N4BP2L2: variants seen among roughly 807,000 people sequenced by gnomAD.
The protein encoded by N4BP2L2 is NEDD4 binding protein 2 like 2.
A neutral mutation model predicts 56.2 loss-of-function variants in N4BP2L2; 50 were observed. The ratio of observed to expected loss-of-function variants is 0.89; its 90% CI spans 0.71 to 1.13. The LOEUF is 1.13. Ranked by LOEUF, N4BP2L2 falls within the 50% of genes most tolerant of loss-of-function variation. N4BP2L2 has a pLI of 0.00. For missense variants in N4BP2L2, 689 were observed against 693.8 expected (o/e 0.99, Z 0.08); for synonymous variants, 203 against 223.6 (o/e 0.91, Z 0.82).
chr13:32,509,829 A>G (rs970843798), downstream of N4BP2L2, among the ~76,000 whole-genome samples: 1 of 152,172 alleles, frequency 6.6e-6, no homozygotes, highest in Non-Finnish European at 1.5e-5. Flanking sequence ...TATTCTAAAC[A>G]AAAACTCCAA....
At chr13:32,502,147 T>C (rs1013506489) in intron 6 of N4BP2L2, among the ~76,000 whole-genome samples, 3 of 147,696 alleles carry the variant, frequency 2.0e-5, no homozygotes, top group African/African-American at 7.5e-5. Flanking sequence ...CACTGCAACC[T>C]CTGCCCTCCT....
chr13:32,501,300 A>G (rs1227413377), intron 6 of N4BP2L2, among the ~76,000 whole-genome samples: 2 of 152,208 alleles, frequency 1.3e-5, no homozygotes, highest in Non-Finnish European at 2.9e-5. Flanking sequence ...ATAGGCTGAT[A>G]TCACACTGTC....
rs60854435 is a variant in N4BP2L2 at position 32,481,118 on chromosome 13, CAAAAAAAAAAAA to C, written c.365+36727_365+36738del. Reference sequence around the variant, plus strand: ...TCAGCAACAGAGTGAGACTCTGTCTCAAAAAAAAAAAAAAAAAAAAAAAAAAAAAAGGATTGC... The same window carrying C: ...TCAGCAACAGAGTGAGACTCTGTCTCAAAAAAAAAAAAAAAAAAGGATTGC... On this transcript the variant is annotated intron_variant, in intron 6 of 9. Coordinates refer to the N4BP2L2 transcript ENST00000357505. Among the ~76,000 whole-genome samples, 17 of 20,716 alleles carry C rather than the reference CAAAAAAAAAAAA, an allele frequency of 8.2e-4. 1 individual carries two copies. The highest frequency in any genetic ancestry group is 4.4e-3 in the South Asian group (1 of 228). The allele number at this position is 20,716 out of a possible 152,430, so 13.6% of individuals were successfully genotyped here.
chr13:32,514,860 G>A (rs1292070126), exon 6 of N4BP2L2: 4 of 152,182 alleles, frequency 2.6e-5, no homozygotes, highest in African/African-American at 4.8e-5. Flanking sequence ...TAGGCCTGGT[G>A]TGGTGGCTCA....
At chr13:32,450,114 TATA>T (rs2077677535) in intron 6 of N4BP2L2, among the ~76,000 whole-genome samples, 1 of 152,158 alleles carries the variant, frequency 6.6e-6, no homozygotes, top group Admixed American at 6.5e-5. Flanking sequence ...CATGCTCACA[TATA>T]ATATCTATAG....
In N4BP2L2 at chr13:32,527,272, G is replaced by GA; in HGVS notation, c.1384+135dup. 3.5e-6 allele frequency: 3 copies of GA among 865,626 alleles called. No individual in the cohort carries two copies. In the East Asian group the frequency reaches 8.2e-5, roughly 24 times the overall value. The allele number at this position is 865,626 out of a possible 1,614,324, so 53.6% of individuals were successfully genotyped here. On this transcript the variant is annotated intron_variant, in intron 3 of 5. Coordinates refer to ENST00000267068, the Ensembl canonical transcript of N4BP2L2. The stretch of plus-strand genomic sequence containing the variant: ...ATTATCACCACCTCTAACAGATGGA[G>GA]AAATTAGGTCTCAAAGCTATTTAAA...
At chr13:32,453,725 C>A (rs2078493639) in intron 6 of N4BP2L2, among the ~76,000 whole-genome samples, 1 of 152,186 alleles carries the variant, frequency 6.6e-6, no homozygotes, top group Non-Finnish European at 1.5e-5. Context: ...AAGACAACAA[C>A]CTACTTTCTC....
At chr13:32,530,722 T>A (rs2054499731) in intron 2 of N4BP2L2, among the ~76,000 whole-genome samples, 1 of 152,008 alleles carries the variant, frequency 6.6e-6, no homozygotes, top group South Asian at 2.1e-4. Flanking sequence ...GTGGGAGAAC[T>A]AAGATAAAGC....
At chr13:32,486,923 C>T (rs1298318420) in intron 6 of N4BP2L2, among the ~76,000 whole-genome samples, 6 of 152,046 alleles carry the variant, frequency 3.9e-5, no homozygotes, top group African/African-American at 7.2e-5. Flanking sequence ...CATTTGAACT[C>T]GGAAGACGGA....
exon 6 of N4BP2L2, chr13:32,515,508 CTG>C (rs1218062663): frequency 2.0e-5 from 3 of 152,022 alleles, no homozygotes; most frequent in Non-Finnish European, 2.9e-5. Context: ...TATTTGGACT[CTG>C]TGATGCAACA....
chr13:32,528,864 T>A (rs1189022224), intron 2 of N4BP2L2, among the ~76,000 whole-genome samples: 1 of 152,184 alleles, frequency 6.6e-6, no homozygotes, highest in Admixed American at 6.5e-5. Context: ...TATAATGGTA[T>A]CATATACAGT....
At chr13:32,537,785 C>T (rs1420498379) in intron 1 of N4BP2L2, among the ~76,000 whole-genome samples, 2 of 152,144 alleles carry the variant, frequency 1.3e-5, no homozygotes, top group African/African-American at 4.8e-5. Context: ...AATTTGCTTC[C>T]CTTTAGGCCT....
chr13:32,504,243 T>G (rs2090537483), intron 6 of N4BP2L2, among the ~76,000 whole-genome samples: 1 of 152,258 alleles, frequency 6.6e-6, no homozygotes, highest in Non-Finnish European at 1.5e-5. Flanking sequence ...CGTATTTATT[T>G]GCTAGGGTTC....
chr13:32,445,250 G>GAATA (rs35170916), intron 6 of N4BP2L2, among the ~76,000 whole-genome samples: 13,418 of 150,494 alleles, frequency 0.089, 674 homozygotes, highest in East Asian at 0.19. Flanking sequence ...GACTCCAACT[G>GAATA]AATAAATAAA....
chr13:32,516,945 T>C (rs1028247308), exon 6 of N4BP2L2: 1 of 980,388 alleles, frequency 1.0e-6, no homozygotes, highest in African/African-American at 1.8e-5. Context: ...CTAAAAACTA[T>C]CCAGTGAGAG....
chr13:32,538,056 G>C (rs531002412), intron 1 of N4BP2L2, among the ~76,000 whole-genome samples: 1 of 134,432 alleles, frequency 7.4e-6, no homozygotes, highest in South Asian at 3.0e-4. Flanking sequence ...GGGCGACAGA[G>C]GGAGACCCCG....
Position 32,452,692 on chromosome 13 carries a change from A to C in N4BP2L2, c.366-8566T>G, listed in dbSNP as rs139604953. 1.5e-4 allele frequency among the ~76,000 whole-genome samples: 23 copies of C among 152,348 alleles called. 1 individual carries two copies. Among genetic ancestry groups the C allele is most frequent in the Non-Finnish European group, 3.2e-4 (22 of 68,028 alleles). On this transcript the variant is annotated intron_variant, in intron 6 of 9. Coordinates refer to the N4BP2L2 transcript ENST00000357505. ...TGTACTTAAAACACTCAAATCCATT[A>C]CTATTTAAAAATAACACACACAACT...
At chr13:32,470,907 T>C (rs1219129804) in intron 6 of N4BP2L2, among the ~76,000 whole-genome samples, 2 of 152,190 alleles carry the variant, frequency 1.3e-5, no homozygotes, top group African/African-American at 4.8e-5. Context: ...CTCCCATTCT[T>C]AATAGGGCAG....
rs1387644177 is a variant in N4BP2L2, at chr13:32,493,484, T to C, written c.365+24373A>G. ...GCTTAATCATTTGCCAACATCACCA[T>C]ACCCATTCAACAAAAATTATGTAAC... On this transcript the variant is annotated intron_variant, in intron 6 of 9. Coordinates refer to the N4BP2L2 transcript ENST00000357505. 2.6e-5 allele frequency among the ~76,000 whole-genome samples: 4 copies of C among 152,228 alleles called. No homozygotes were observed. The East Asian group carries it at 7.7e-4, about 29-fold the overall frequency.
Sources: allele counts gnomAD v4.1 joint callset (sites outside exome capture counted in the v4.1 genomes callset), GRCh38; gene constraint gnomAD v4.1.1; transcripts MANE v1.5; gene names NCBI Gene and HGNC (gene_info 2026-07-23, HGNC 2026-07-21).